Variants in DYM observed in about 807,000 individuals in gnomAD.
The protein encoded by DYM is dymeclin.
DYM carries 78 observed loss-of-function variants against 93.1 expected under a neutral mutation model. That is an observed-to-expected ratio of 0.84 (90% CI 0.70 to 1.01). The LOEUF (loss-of-function observed/expected upper bound fraction) is 1.01. Among genes scored for constraint, DYM ranks in the 50% least tolerant of loss-of-function variants. DYM has a pLI of 0.00. For synonymous variants in DYM, 321 were observed against 319.7 expected, an observed-to-expected ratio of 1.00 and a Z score of -0.04; for missense variants, 789 against 845.0, an observed-to-expected ratio of 0.93 and a Z score of 0.82.
intron 5 of DYM, among the ~76,000 whole-genome samples, chr18:49,374,845 G>C (rs562481589): frequency 3.9e-4 from 59 of 152,136 alleles, no homozygotes; most frequent in African/African-American, 1.4e-3. Context: ...TCTAATCCCA[G>C]ATACTTGGGA....
chr18:49,086,617 G>GA (rs34060719), intron 17 of DYM, among the ~76,000 whole-genome samples: 45 of 152,294 alleles, frequency 3.0e-4, no homozygotes, highest in Non-Finnish European at 4.7e-4. Flanking sequence ...TCTCCAGTGT[G>GA]ATAGTATTTG....
chr18:49,301,299 T>C (rs956549211), intron 8 of DYM, among the ~76,000 whole-genome samples: 2 of 152,070 alleles, frequency 1.3e-5, no homozygotes, highest in Non-Finnish European at 2.9e-5. Context: ...GGCTGGCAGA[T>C]CACGAGCTCA....
rs1165458211 is a variant in DYM at position 49,038,763 on chromosome 18, CTTAT to C, written c.*5288_*5291del. 6.6e-6 allele frequency among the ~76,000 whole-genome samples: 1 copy of C among 152,172 alleles called. No homozygotes were observed. The highest frequency in any genetic ancestry group is 1.5e-5 in the Non-Finnish European group (1 of 68,030). Reference sequence around the variant, plus strand: ...ACTGAATTGATTATTCGAATTCTCTCTTATTATGTGGAAAGCTATACACTTTTAT... The same window carrying C: ...ACTGAATTGATTATTCGAATTCTCTCTATGTGGAAAGCTATACACTTTTAT... On this transcript the variant is annotated 3_prime_UTR_variant, in exon 18 of 18. Coordinates refer to ENST00000675505, the MANE Select transcript of DYM (RefSeq NM_001353214.3).
At chr18:49,309,591 C>T (rs1363719517) in intron 8 of DYM, among the ~76,000 whole-genome samples, 1 of 152,080 alleles carries the variant, frequency 6.6e-6, no homozygotes, top group African/African-American at 2.4e-5. Flanking sequence ...GCCATGATCG[C>T]ACCACTGTGC....
Position 49,219,354 on chromosome 18 carries a change from A to T in DYM, c.1461-9639T>A, listed in dbSNP as rs201866458. Among the ~76,000 whole-genome samples, 566 of 152,128 alleles carry T rather than the reference A, an allele frequency of 3.7e-3. 26 individuals carry two copies. In the East Asian group the frequency reaches 0.084, roughly 22 times the overall value. On this transcript the variant is annotated intron_variant, in intron 13 of 17. Transcript: ENST00000675505. The stretch of plus-strand genomic sequence containing the variant: ...AAGGAGGAACTGGTACCATTCCTTC[A>T]GAAACTATTCCAATCAATAGAAAAA...
chr18:49,086,519 G>A (rs2078544924), intron 17 of DYM, among the ~76,000 whole-genome samples: 1 of 152,162 alleles, frequency 6.6e-6, no homozygotes. Context: ...ACGTTTGGAG[G>A]GGACATTCAA....
intron 2 of DYM, among the ~76,000 whole-genome samples, chr18:49,417,733 C>T (rs960263236): frequency 6.6e-6 from 1 of 152,170 alleles, no homozygotes; most frequent in African/African-American, 2.4e-5. Flanking sequence ...TCTTCTATAA[C>T]ACCCTTTATC....
intron 6 of DYM, among the ~76,000 whole-genome samples, chr18:49,361,548 G>A (rs2066019476): frequency 6.6e-6 from 1 of 152,144 alleles, no homozygotes; most frequent in Non-Finnish European, 1.5e-5. Flanking sequence ...ACAGAGGTAA[G>A]TAAAAATCTT....
At chr18:49,406,835 C>G (rs975268314) in intron 2 of DYM, among the ~76,000 whole-genome samples, 1 of 152,190 alleles carries the variant, frequency 6.6e-6, no homozygotes, top group African/African-American at 2.4e-5. Context: ...AGCAATTGTA[C>G]TCTTGAACAT....
intron 15 of DYM, among the ~76,000 whole-genome samples, chr18:49,131,664 A>C: frequency 6.6e-6 from 1 of 152,216 alleles, no homozygotes; most frequent in Admixed American, 6.5e-5. Context: ...TTTGGAGAAA[A>C]CAGTTTAGTA....
At chr18:49,150,057 A>G (rs1282533224) in intron 15 of DYM, among the ~76,000 whole-genome samples, 1 of 152,106 alleles carries the variant, frequency 6.6e-6, no homozygotes, top group East Asian at 1.9e-4. Context: ...GCTATTTAAA[A>G]CTGGTAACCT....
At chr18:49,051,568 T>G (rs2072447222) in intron 17 of DYM, among the ~76,000 whole-genome samples, 1 of 152,224 alleles carries the variant, frequency 6.6e-6, no homozygotes, top group African/African-American at 2.4e-5. Context: ...GCTGCAACCC[T>G]GAAGTTAAGC....
At chr18:49,456,295 C>G (rs1397909466) in intron 1 of DYM, among the ~76,000 whole-genome samples, 1 of 152,220 alleles carries the variant, frequency 6.6e-6, no homozygotes, top group African/African-American at 2.4e-5. Context: ...AAGAAACAAA[C>G]TAGTCATATG....
chr18:49,290,659 T>C (rs961662532), intron 8 of DYM, among the ~76,000 whole-genome samples: 11 of 152,020 alleles, frequency 7.2e-5, no homozygotes, highest in African/African-American at 2.7e-4. Context: ...TATATAGATA[T>C]ATATGTATAT....
At chr18:49,389,993 T>C (rs933134777) in intron 3 of DYM, among the ~76,000 whole-genome samples, 12 of 152,220 alleles carry the variant, frequency 7.9e-5, no homozygotes, top group African/African-American at 2.9e-4. Context: ...CTCCTTAATT[T>C]TCAGCACTGA....
intron 6 of DYM, among the ~76,000 whole-genome samples, chr18:49,342,696 TATA>T (rs1389601521): frequency 2.0e-5 from 3 of 152,208 alleles, no homozygotes; most frequent in African/African-American, 4.8e-5. Flanking sequence ...GCTTCCATAT[TATA>T]ATGCCATATT....
chr18:49,378,811 T>C, intron 4 of DYM, 111 bp from the exon 5 acceptor site: 2 of 1,066,810 alleles, frequency 1.9e-6, no homozygotes, highest in Non-Finnish European at 2.8e-6. Context: ...ATCCTATTGG[T>C]AATATTAGGA....
At chr18:49,147,755 C>G (rs1228984576) in intron 15 of DYM, among the ~76,000 whole-genome samples, 1 of 152,090 alleles carries the variant, frequency 6.6e-6, no homozygotes, top group African/African-American at 2.4e-5. Context: ...GGACTGTAAA[C>G]TAGTTCAACC....
chr18:49,451,749 G>T (rs1159923182), intron 1 of DYM, among the ~76,000 whole-genome samples: 6 of 152,192 alleles, frequency 3.9e-5, no homozygotes, highest in African/African-American at 1.2e-4. Context: ...ATCATAATTT[G>T]TTTTTACCAA....
Sources: allele counts gnomAD v4.1 joint callset (sites outside exome capture counted in the v4.1 genomes callset), GRCh38; gene constraint gnomAD v4.1.1; transcripts MANE v1.5; gene names NCBI Gene and HGNC (gene_info 2026-07-23, HGNC 2026-07-21).